ESYT1: variants seen among roughly 807,000 people sequenced by gnomAD.
ESYT1 encodes extended synaptotagmin 1.
ESYT1 carries 116 observed loss-of-function variants against 154.2 expected under a neutral mutation model. The observed-to-expected ratio is 0.75, with a 90% CI of 0.65 to 0.88. The LOEUF is 0.88. Among genes scored for constraint, ESYT1 ranks in the 40% least tolerant of loss-of-function variants. The pLI is 0.00. For synonymous variants in ESYT1, 500 were observed against 539.9 expected (o/e 0.93, Z 1.02); for missense variants, 1,264 against 1,379.3 (o/e 0.92, Z 1.32).
rs569736393 is a variant in ESYT1 at position 56,138,212 on chromosome 12, C to A, written c.2277C>A (p.Gly759=). ...EWLTLEDVPS[G]RLHLRLERLT... Reference sequence around the variant, plus strand: ...TGACCCTGGAGGATGTCCCATCTGGCCGCCTGCACTTGCGCCTGGAGCGTC... The same window carrying A: ...TGACCCTGGAGGATGTCCCATCTGGACGCCTGCACTTGCGCCTGGAGCGTC... The change falls in exon 21 of 31, where the codon GGC becomes GGA. Residue 759 remains glycine, a synonymous_variant. Coordinates refer to ENST00000394048, the MANE Select transcript of ESYT1 (RefSeq NM_015292.3). 1 of 1,614,180 alleles carries A rather than the reference C, an allele frequency of 6.2e-7. No homozygotes were observed. The highest frequency in any genetic ancestry group is 1.7e-5 in the Admixed American group (1 of 60,016).
chr12:56,134,210 C>G (rs752144173), intron 14 of ESYT1, 29 bp downstream of exon 14: 4 of 1,609,552 alleles, frequency 2.5e-6, no homozygotes, highest in Non-Finnish European at 3.4e-6. Flanking sequence ...TTGTGGGTGG[C>G]CAGGTAGGAC....
chr12:56,138,476 A>G lies in ESYT1; in HGVS notation c.2410A>G (p.Met804Val), dbSNP rs1870556097. ...GGCTGCGGCCCTGCTATCCATCTAT[A>G]TGGAGCGGGCAGAGGACCTCCCGGT... The part of the protein sequence containing the change: ...ELAAALLSIY[M>V]ERAEDLPLRK... Residue 804 changes from methionine to valine, a missense_variant, in exon 22 of 31, where the codon ATG (methionine) becomes GTG (valine). Physicochemically the swap from Met to Val is conservative, Grantham distance 21. Coordinates refer to ENST00000394048, the MANE Select transcript of ESYT1 (RefSeq NM_015292.3). 2 of 1,611,054 alleles carry G rather than the reference A, an allele frequency of 1.2e-6. No individual in the cohort carries two copies. Among genetic ancestry groups the G allele is most frequent in the Admixed American group, 1.7e-5 (1 of 59,678 alleles).
rs1167942219 is a variant in ESYT1 at position 56,132,293 on chromosome 12, C to A, written c.945C>A (p.Asp315Glu). The A allele has an allele frequency of 3.1e-6, 5 of 1,613,998 alleles. No individual in the cohort carries two copies. The highest frequency in any genetic ancestry group is 4.2e-6 in the Non-Finnish European group (5 of 1,180,040). Reference protein sequence around the residue: ...PNRLLVPLVPDLQDVAQLRSP... With the variant: ...PNRLLVPLVPELQDVAQLRSP... ...GATTACTGGTGCCCCTTGTGCCTGA[C>A]CTTCAAGATGTGGCTCAGTTGCGTT... Residue 315 changes from aspartate (D) to glutamate (E), a missense_variant, in exon 8 of 31, where the codon GAC becomes GAA. Coordinates refer to ENST00000394048, the MANE Select transcript of ESYT1 (RefSeq NM_015292.3).
chr12:56,143,108 T>C lies in ESYT1; in HGVS notation c.3079T>C (p.Ser1027Pro). Residue 1027 changes from serine (S) to proline (P), a missense_variant, in exon 28 of 31, where the codon TCA (serine) becomes CCA (proline). By Grantham distance (74) the Ser-to-Pro change is moderately conservative (BLOSUM62 -1). Transcript: ENST00000394048. The stretch of plus-strand genomic sequence containing the variant: ...GAACCGAGGCACCAAGAGGAGGACC[T>C]CACAGAAGAAGAGGACCCTGAGTCC... ...DKNRGTKRRT[S>P]QKKRTLSPEF... The C allele has an allele frequency of 1.2e-6, 2 of 1,614,148 alleles. No homozygotes were observed. The highest frequency in any genetic ancestry group is 1.7e-6 in the Non-Finnish European group (2 of 1,180,018).
At position 56,128,392 on chromosome 12, in the gene ESYT1, G is replaced by A. The variant is rs1870088504; in HGVS notation, c.73G>A (p.Asp25Asn). The change falls in exon 1 of 31, where the codon GAC becomes AAC. Residue 25 changes from aspartate (D) to asparagine (N), a missense_variant. Asp to Asn is a conservative substitution (Grantham distance 23). Coordinates refer to ENST00000394048, the MANE Select transcript of ESYT1 (RefSeq NM_015292.3). ...DQPSAPSDPT[D>N]QPPAAHAKPD... Reference sequence around the variant, plus strand: ...GCCCTCTGCTCCCTCCGACCCCACTGACCAGCCCCCCGCTGCTCACGCAAA... The same window carrying A: ...GCCCTCTGCTCCCTCCGACCCCACTAACCAGCCCCCCGCTGCTCACGCAAA... The A allele has an allele frequency of 1.2e-6, 2 of 1,611,994 alleles. No homozygotes were observed. Among genetic ancestry groups the A allele is most frequent in the East Asian group, 4.5e-5 (2 of 44,878 alleles).
At position 56,132,417 on chromosome 12, in the gene ESYT1, C is replaced by G. The variant is rs763719249; in HGVS notation, c.985-4C>G. 6.2e-7 allele frequency: 1 copy of G among 1,614,156 alleles called. No individual in the cohort carries two copies. Among genetic ancestry groups the G allele is most frequent in the East Asian group, 2.2e-5 (1 of 44,876 alleles). The stretch of plus-strand genomic sequence containing the variant: ...GTTTCTCACCATCTGATTCCTTCCT[C>G]CAGGGCATTATTCGAATTCACCTGC... On this transcript the variant is annotated splice_region_variant and splice_polypyrimidine_tract_variant and intron_variant, in intron 8 of 30. Transcript: ENST00000394048.
In ESYT1 at chr12:56,138,037, G is replaced by A. The variant is rs773812390; in HGVS notation, c.2210G>A (p.Arg737His). The A allele has an allele frequency of 2.7e-5, 43 of 1,614,026 alleles. No homozygotes were observed. Among genetic ancestry groups the A allele is most frequent in the East Asian group, 6.7e-5 (3 of 44,900 alleles). Residue 737 changes from arginine (R) to histidine (H), a missense_variant, in exon 20 of 31, where the codon CGT becomes CAT. By Grantham distance (29) the Arg-to-His change is conservative. Coordinates refer to ENST00000394048, the MANE Select transcript of ESYT1 (RefSeq NM_015292.3). ...KDDFLGRCKV[R>H]LTTVLNSGFL... ...TTTCTCTTCAACAGGTGTAAAGTGC[G>A]TCTCACCACAGTCTTAAACAGTGGC...
chr12:56,144,029 A>C lies in ESYT1; in HGVS notation c.*167A>C. On this transcript the variant is annotated 3_prime_UTR_variant, in exon 31 of 31. Coordinates refer to ENST00000394048, the MANE Select transcript of ESYT1 (RefSeq NM_015292.3). ...GGGCCTTTGCCTGACCAAAGAGAAGAACCGTATGTTCCCTTTACTGCACGG... is the reference window on the plus strand; with the variant it reads ...GGGCCTTTGCCTGACCAAAGAGAAGCACCGTATGTTCCCTTTACTGCACGG... The C allele has an allele frequency of 6.7e-7, 1 of 1,484,082 alleles. No individual in the cohort carries two copies. Among genetic ancestry groups the C allele is most frequent in the Non-Finnish European group, 8.9e-7 (1 of 1,122,846 alleles). 91.9% of individuals were successfully genotyped at this position (1,484,082 alleles called of 1,614,324 possible).
Position 56,131,526 on chromosome 12 carries a change from C to A in ESYT1, c.764C>A (p.Pro255His). 6.2e-7 allele frequency: 1 copy of A among 1,614,106 alleles called. No individual in the cohort carries two copies. Among genetic ancestry groups the A allele is most frequent in the Non-Finnish European group, 8.5e-7 (1 of 1,180,020 alleles). The change falls in exon 6 of 31, where the codon CCC (proline) becomes CAC (histidine). Residue 255 changes from proline (P) to histidine (H), a missense_variant. Pro to His is a moderately conservative substitution (Grantham distance 77). Transcript: ENST00000394048. The stretch of plus-strand genomic sequence containing the variant: ...CTGGAGCCACTCATTGGGGACCTTC[C>A]CTTCGTGGGGGCTGTGTCAATGTTC... ...VILEPLIGDL[P>H]FVGAVSMFFI...
At chr12:56,131,166 C>T in intron 4 of ESYT1, 53 bp downstream of exon 4, 8 of 1,612,648 alleles carry the variant, frequency 5.0e-6, no homozygotes, top group Non-Finnish European at 6.8e-6. Flanking sequence ...CCTGTTCAGT[C>T]CAGGCTACTT....
intron 1 of ESYT1, chr12:56,128,989 C>T: frequency 2.2e-6 from 1 of 453,870 alleles, no homozygotes; most frequent in Non-Finnish European, 4.0e-6. Context: ...CATCTGGGGA[C>T]CCCGTCTCAG....
In ESYT1 at chr12:56,130,897, C is replaced by T. The variant is rs542114151; in HGVS notation, c.539C>T (p.Thr180Ile). Residue 180 changes from threonine to isoleucine, a missense_variant, in exon 3 of 31, where the codon ACA becomes ATA. Thr to Ile is a moderately conservative substitution (Grantham distance 89, BLOSUM62 -1). Coordinates refer to ENST00000394048, the MANE Select transcript of ESYT1 (RefSeq NM_015292.3). ...RGSNPHLQTF[T>I]FTRVELGEKP... ...TCTAACCCCCATCTGCAAACATTTA[C>T]ATTTACACGAGTGGAACTGGGTGAA... 1 of 1,614,234 alleles carries T rather than the reference C, an allele frequency of 6.2e-7. No individual in the cohort carries two copies. The highest frequency in any genetic ancestry group is 1.7e-5 in the Admixed American group (1 of 60,028).
rs1870205627 is a variant in ESYT1 at position 56,130,910 on chromosome 12, G to A, written c.552G>A (p.Val184=). ...TGCAAACATTTACATTTACACGAGT[G>A]GAACTGGGTGAAAAGGTATGTGTGG... ...PHLQTFTFTR[V]ELGEKPLRII... Residue 184 remains valine, a synonymous_variant, in exon 3 of 31, where the codon GTG becomes GTA. Transcript: ENST00000394048. 6.2e-7 allele frequency: 1 copy of A among 1,614,194 alleles called. No individual in the cohort carries two copies. Among genetic ancestry groups the A allele is most frequent in the South Asian group, 1.1e-5 (1 of 91,086 alleles).
At chr12:56,141,567 T>C (rs7967075) in intron 24 of ESYT1, among the ~76,000 whole-genome samples, 2,530 of 152,196 alleles carry the variant, frequency 0.017, 55 homozygotes, top group African/African-American at 0.045. Context: ...GGTGAAACCC[T>C]GTCTCTATTA....
chr12:56,133,267 G>T, intron 10 of ESYT1, 150 bp from the exon 11 acceptor site: 2 of 761,754 alleles, frequency 2.6e-6, no homozygotes, highest in South Asian at 3.1e-5. Context: ...ACATACTCAC[G>T]CATGCAGGTG....
Position 56,134,181 on chromosome 12 carries a change from G to T in ESYT1, c.1545G>T (p.Lys515Asn). 6.2e-7 allele frequency: 1 copy of T among 1,614,120 alleles called. No homozygotes were observed. Among genetic ancestry groups the T allele is most frequent in the Non-Finnish European group, 8.5e-7 (1 of 1,179,968 alleles). The part of the protein sequence containing the change: ...LSIQDVTQES[K>N]AVYSTNCPVW... ...TTCAGGATGTGACTCAGGAGAGCAAGGTGAGGGCCAGGACATCATTGTGGG... is the reference window on the plus strand; with the variant it reads ...TTCAGGATGTGACTCAGGAGAGCAATGTGAGGGCCAGGACATCATTGTGGG... The change falls in exon 14 of 31, where the codon AAG becomes AAT. Residue 515 changes from lysine (K) to asparagine (N), a missense_variant and splice_region_variant. Coordinates refer to ENST00000394048, the MANE Select transcript of ESYT1 (RefSeq NM_015292.3).
At chr12:56,136,053 C>CT (rs1340366605) in intron 15 of ESYT1, among the ~76,000 whole-genome samples, 1 of 121,102 alleles carries the variant, frequency 8.3e-6, no homozygotes, top group Admixed American at 1.0e-4. Context: ...GAGCAAGACT[C>CT]TGTCTCCAAA....
chr12:56,139,785 G>T (rs1412286670), intron 24 of ESYT1, among the ~76,000 whole-genome samples: 6 of 149,984 alleles, frequency 4.0e-5, no homozygotes, highest in Non-Finnish European at 5.9e-5. Context: ...ACGGGGTTTT[G>T]CCATGTTGGC....
In ESYT1 at chr12:56,138,208, C is replaced by G; in HGVS notation, c.2273C>G (p.Ser758Cys). The G allele has an allele frequency of 6.2e-7, 1 of 1,614,224 alleles. No homozygotes were observed. Among genetic ancestry groups the G allele is most frequent in the Non-Finnish European group, 8.5e-7 (1 of 1,180,034 alleles). Reference protein sequence around the residue: ...DEWLTLEDVPSGRLHLRLERL... With the variant: ...DEWLTLEDVPCGRLHLRLERL... ...TGGCTGACCCTGGAGGATGTCCCATCTGGCCGCCTGCACTTGCGCCTGGAG... is the reference window on the plus strand; with the variant it reads ...TGGCTGACCCTGGAGGATGTCCCATGTGGCCGCCTGCACTTGCGCCTGGAG... The change falls in exon 21 of 31, where the codon TCT becomes TGT. Residue 758 changes from serine to cysteine, a missense_variant. Transcript: ENST00000394048.
Sources: allele counts gnomAD v4.1 joint callset (sites outside exome capture counted in the v4.1 genomes callset), GRCh38; gene constraint gnomAD v4.1.1; transcripts MANE v1.5; gene names NCBI Gene and HGNC (gene_info 2026-07-23, HGNC 2026-07-21).